CCDC66: variants seen among roughly 807,000 people sequenced by gnomAD.
The protein encoded by CCDC66 is coiled-coil domain containing 66.
Under a neutral mutation model 128.3 loss-of-function variants are expected in CCDC66, and 133 were observed. The observed-to-expected ratio is 1.04, with a 90% CI of 0.90 to 1.20. The LOEUF (loss-of-function observed/expected upper bound fraction) is 1.20. CCDC66 is among the 50% of genes most tolerant of loss of function. The probability of loss-of-function intolerance (pLI) is 0.00; values close to 1 mark genes in which losing one functional copy is unlikely to be tolerated. For missense variants in CCDC66, 1,126 were observed against 1,075.5 expected, an observed-to-expected ratio of 1.05 and a Z score of -0.66; for synonymous variants, 387 against 357.0, an observed-to-expected ratio of 1.08 and a Z score of -0.95.
chr3:56,558,879 T>C lies in CCDC66; in HGVS notation c.45T>C (p.Asp15=). The C allele has an allele frequency of 6.5e-7, 1 of 1,549,668 alleles. No homozygotes were observed. The highest frequency in any genetic ancestry group is 8.7e-7 in the Non-Finnish European group (1 of 1,145,724). Residue 15 remains aspartate, a synonymous_variant, in exon 2 of 18, where the codon GAT becomes GAC. Transcript: ENST00000394672. The part of the protein sequence containing the change: ...DGLKLETELL[D]GKTKLILSPY... The stretch of plus-strand genomic sequence containing the variant: ...TAAAGCTTGAAACTGAATTACTGGA[T>C]GGAAAAACCAAGCTAATATTGTCTC...
intron 10 of CCDC66, among the ~76,000 whole-genome samples, chr3:56,602,904 G>T (rs1210493600): frequency 6.8e-6 from 1 of 148,056 alleles, no homozygotes; most frequent in South Asian, 2.1e-4. Context: ...GCATGATCTC[G>T]GCTCACTGCA....
chr3:56,601,181 T>G (rs1208756761), intron 10 of CCDC66, among the ~76,000 whole-genome samples: 1 of 152,126 alleles, frequency 6.6e-6, no homozygotes, highest in Non-Finnish European at 1.5e-5. Context: ...AGTTTCAGTT[T>G]TCTGCATATG....
Position 56,558,831 on chromosome 3 carries a change from C to A in CCDC66, c.12-15C>A. The A allele has an allele frequency of 2.0e-6, 3 of 1,534,722 alleles. No homozygotes were observed. Among genetic ancestry groups the A allele is most frequent in the Non-Finnish European group, 2.6e-6 (3 of 1,133,482 alleles). On this transcript the variant is annotated splice_polypyrimidine_tract_variant and intron_variant, in intron 1 of 17. Transcript: ENST00000394672. ...TTTGTTAAAAATGAGAGACAACTTT[C>A]TTTTTTTATTACAGAGATGGTTTAA...
intron 10 of CCDC66, among the ~76,000 whole-genome samples, chr3:56,603,706 T>A (rs1414976403): frequency 6.6e-6 from 1 of 152,006 alleles, no homozygotes; most frequent in Admixed American, 6.6e-5. Flanking sequence ...TTACTTCCAA[T>A]TGTGTGGTTA....
chr3:56,602,896 A>G (rs7431634), intron 10 of CCDC66, among the ~76,000 whole-genome samples: 4,942 of 140,812 alleles, frequency 0.035, 115 homozygotes, highest in Middle Eastern at 0.099. Flanking sequence ...GTGCAGTGGC[A>G]TGATCTCGGC....
chr3:56,617,867 G>GA, intron 14 of CCDC66: 1 of 569,310 alleles, frequency 1.8e-6, no homozygotes, highest in Non-Finnish European at 3.1e-6. Flanking sequence ...CCACAAAGCT[G>GA]AAAAGGTTTC....
rs868589130 is a variant in CCDC66 at position 56,584,267 on chromosome 3, C to T, written c.937-8703C>T. Among the ~76,000 whole-genome samples the T allele has an allele frequency of 6.6e-3, 926 of 140,602 alleles. 14 individuals carry two copies. Among genetic ancestry groups the T allele is most frequent in the African/African-American group, 0.02 (761 of 37,254 alleles). The allele number at this position is 140,602 out of a possible 152,430, so 92.2% of individuals were successfully genotyped here. A position where few individuals can be genotyped will look rare whatever the true frequency, so the allele number is the denominator to read the frequency against. ...CTCACTTCTCAGACGGGGCGGCTGC[C>T]GGGCGGAGGGGCTCCTCACTTCTCA... On this transcript the variant is annotated intron_variant, in intron 7 of 17. Transcript: ENST00000394672.
intron 4 of CCDC66, among the ~76,000 whole-genome samples, chr3:56,564,384 CTAT>C (rs1439663499): frequency 9.2e-5 from 14 of 152,070 alleles, no homozygotes; most frequent in South Asian, 4.1e-4. Context: ...GTACAAAAAA[CTAT>C]TATTATACTT....
rs2076051752 is a variant in CCDC66, at chr3:56,619,524, C to T, written c.2632C>T (p.Gln878Ter). ...STQDPQYQNSQDCGQKRQLFD... is the reference protein window; with the variant it reads ...STQDPQYQNS The stretch of plus-strand genomic sequence containing the variant: ...CCAGGACCCTCAGTACCAAAATTCA[C>T]AAGGTAAGTAAATATTAAGCATTCT... Residue 878 changes from glutamine to a stop codon, truncating the protein, a stop_gained, in exon 16 of 18, where the codon CAA becomes TAA. Transcript: ENST00000394672. LOFTEE classifies it high-confidence loss of function. 2 of 1,604,238 alleles carry T rather than the reference C, an allele frequency of 1.2e-6. No homozygotes were observed. The highest frequency in any genetic ancestry group is 1.3e-5 in the African/African-American group (1 of 74,342).
At chr3:56,585,751 T>C (rs1204376331) in intron 7 of CCDC66, among the ~76,000 whole-genome samples, 1 of 151,848 alleles carries the variant, frequency 6.6e-6, no homozygotes, top group African/African-American at 2.4e-5. Context: ...CTAGACAAGA[T>C]GTTCATTTAT....
At chr3:56,558,953 C>A in intron 2 of CCDC66, 43 bp downstream of exon 2, 1 of 1,346,040 alleles carries the variant, frequency 7.4e-7, no homozygotes, top group South Asian at 1.4e-5. Context: ...CTTTTAAATT[C>A]ATACATAAAA....
rs1230114164 is a variant in CCDC66, at chr3:56,617,565, A to G, written c.2297A>G (p.Gln766Arg). Residue 766 changes from glutamine to arginine, a missense_variant, in exon 14 of 18, where the codon CAA becomes CGA. By Grantham distance (43) the Gln-to-Arg change is conservative. Coordinates refer to ENST00000394672, the MANE Select transcript of CCDC66 (RefSeq NM_001141947.3). ...ISPEIFHSSH[Q>R]ETESKLRWHL... is the part of the protein sequence containing the mutation. ...CCAGAAATTTTTCATTCATCTCATC[A>G]AGAAACGGAGTCAAAGTTGAGGTGG... The G allele has an allele frequency of 3.1e-6, 5 of 1,608,576 alleles. No homozygotes were observed. The Admixed American group carries it at 5.1e-5, about 16-fold the overall frequency.
chr3:56,569,382 T>C, intron 6 of CCDC66: 1 of 317,390 alleles, frequency 3.2e-6, no homozygotes, highest in Non-Finnish European at 6.6e-6. Flanking sequence ...AAGCTTTTAC[T>C]CACGGTGGAA....
At chr3:56,587,967 A>G (rs1192866499) in intron 7 of CCDC66, among the ~76,000 whole-genome samples, 1 of 152,262 alleles carries the variant, frequency 6.6e-6, no homozygotes, top group Non-Finnish European at 1.5e-5. Flanking sequence ...AAAAGAAGTC[A>G]TTATACGGAA....
intron 10 of CCDC66, among the ~76,000 whole-genome samples, chr3:56,611,493 C>T (rs1317440364): frequency 6.6e-6 from 1 of 151,150 alleles, no homozygotes; most frequent in Non-Finnish European, 1.5e-5. Flanking sequence ...AGAAGACCTC[C>T]CCAGCTGCGA....
chr3:56,619,107 A>G, intron 15 of CCDC66, 164 bp from the exon 16 acceptor site: 1 of 566,986 alleles, frequency 1.8e-6, no homozygotes. Context: ...AATCCCAGCT[A>G]CTTGGGAGGC....
intron 7 of CCDC66, among the ~76,000 whole-genome samples, chr3:56,592,456 G>A (rs539406656): frequency 8.0e-4 from 121 of 152,018 alleles, no homozygotes; most frequent in Middle Eastern, 3.4e-3. Context: ...CACCTCCCGG[G>A]TTCAAGTGAT....
intron 10 of CCDC66, among the ~76,000 whole-genome samples, chr3:56,602,857 CAG>C (rs1559730525): frequency 6.4e-5 from 8 of 125,618 alleles, no homozygotes; most frequent in African/African-American, 2.1e-4. Flanking sequence ...TTTTTTGAGA[CAG>C]AGTGTTGCTC....
chr3:56,562,415 C>T (rs1458034749), intron 3 of CCDC66, among the ~76,000 whole-genome samples: 1 of 151,996 alleles, frequency 6.6e-6, no homozygotes, highest in Non-Finnish European at 1.5e-5. Context: ...TTCCTAATTT[C>T]TTAGGTTTAT....
Sources: gnomAD v4.1 joint callset for allele counts (sites outside exome capture counted in the v4.1 genomes callset) on GRCh38, gnomAD v4.1.1 for gene constraint, MANE v1.5 for transcripts, NCBI Gene and HGNC (gene_info 2026-07-23, HGNC 2026-07-21) for gene names.